AGBL4: variants seen among roughly 807,000 people sequenced by gnomAD.
The protein encoded by AGBL4 is AGBL carboxypeptidase 4, also known as cytosolic carboxypeptidase 6.
AGBL4 carries 58 observed loss-of-function variants against 66.4 expected under a neutral mutation model. That is an observed-to-expected ratio of 0.87 (90% CI 0.71 to 1.09). The LOEUF is 1.09. Ranked by LOEUF, AGBL4 falls within the 50% of genes least tolerant of loss-of-function variation. The pLI, the probability that AGBL4 is intolerant of heterozygous loss-of-function variation, is 0.00. For synonymous variants in AGBL4, 234 were observed against 222.9 expected, an observed-to-expected ratio of 1.05 and a Z score of -0.44; for missense variants, 579 against 631.0, an observed-to-expected ratio of 0.92 and a Z score of 0.88.
intron 1 of AGBL4, among the ~76,000 whole-genome samples, chr1:49,887,313 G>A (rs569756914): frequency 6.6e-6 from 1 of 151,462 alleles, no homozygotes; most frequent in East Asian, 1.9e-4. Flanking sequence ...CCTATGTTAG[G>A]AAGGGGAGAA....
intron 11 of AGBL4, chr1:48,585,037 T>C (rs1475520848): frequency 6.6e-6 from 1 of 152,258 alleles, no homozygotes; most frequent in East Asian, 1.9e-4. Flanking sequence ...CATGCCTTTT[T>C]ATTCAGTATT....
chr1:48,934,073 G>A (rs960292192), intron 5 of AGBL4, among the ~76,000 whole-genome samples: 7 of 152,194 alleles, frequency 4.6e-5, no homozygotes, highest in Non-Finnish European at 1.0e-4. Context: ...GCTACAGAAA[G>A]GTTTAATTCC....
intron 3 of AGBL4, among the ~76,000 whole-genome samples, chr1:49,478,795 C>G (rs569799677): frequency 6.6e-6 from 1 of 151,650 alleles, no homozygotes; most frequent in Non-Finnish European, 1.5e-5. Flanking sequence ...AAGACATAGA[C>G]GATGCAATAA....
chr1:48,964,281 T>C (rs1658241814), intron 5 of AGBL4, among the ~76,000 whole-genome samples: 1 of 152,240 alleles, frequency 6.6e-6, no homozygotes, highest in African/African-American at 2.4e-5. Flanking sequence ...CCCACTCGTG[T>C]GCCTGATCTC....
At chr1:49,722,133 G>A (rs2124689130) in intron 2 of AGBL4, among the ~76,000 whole-genome samples, 1 of 152,292 alleles carries the variant, frequency 6.6e-6, no homozygotes, top group East Asian at 1.9e-4. Context: ...GGAAGGGAAA[G>A]CAAGCCTGTA....
chr1:49,327,401 G>A (rs1645248010), intron 3 of AGBL4, among the ~76,000 whole-genome samples: 1 of 152,196 alleles, frequency 6.6e-6, no homozygotes, highest in Non-Finnish European at 1.5e-5. Flanking sequence ...GTTCAAGGCA[G>A]ACTATTATCT....
intron 2 of AGBL4, among the ~76,000 whole-genome samples, chr1:49,789,753 G>A (rs1373665990): frequency 6.6e-6 from 1 of 152,124 alleles, no homozygotes; most frequent in African/African-American, 2.4e-5. Flanking sequence ...TGGCCATACA[G>A]AACAAAGTAA....
intron 4 of AGBL4, among the ~76,000 whole-genome samples, chr1:49,078,019 C>A (rs931004681): frequency 1.3e-5 from 2 of 152,100 alleles, no homozygotes; most frequent in African/African-American, 4.8e-5. Context: ...AGAGGTTAAA[C>A]AACTTCCCTA....
intron 6 of AGBL4, among the ~76,000 whole-genome samples, chr1:48,750,254 C>T (rs1226516300): frequency 2.6e-5 from 4 of 152,162 alleles, no homozygotes; most frequent in Non-Finnish European, 5.9e-5. Context: ...CCCCCATGAA[C>T]CACCTGTAGG....
intron 3 of AGBL4, among the ~76,000 whole-genome samples, chr1:49,692,503 G>A (rs1290775483): frequency 6.6e-6 from 1 of 151,962 alleles, no homozygotes; most frequent in Non-Finnish European, 1.5e-5. Flanking sequence ...TGGATCACGA[G>A]GTCAGGAGAT....
At chr1:49,744,019 C>T (rs1372033220) in intron 2 of AGBL4, among the ~76,000 whole-genome samples, 7 of 151,594 alleles carry the variant, frequency 4.6e-5, no homozygotes, top group Non-Finnish European at 8.8e-5. Context: ...CAAATCTGCA[C>T]GTTGTGCACA....
intron 1 of AGBL4, among the ~76,000 whole-genome samples, chr1:49,880,033 TG>T (rs1647168680): frequency 6.6e-6 from 1 of 151,482 alleles, no homozygotes; most frequent in Non-Finnish European, 1.5e-5. Context: ...AGCACTTCTC[TG>T]TATTGGTTAT....
chr1:49,563,542 C>T (rs926195891), intron 3 of AGBL4, among the ~76,000 whole-genome samples: 3 of 152,064 alleles, frequency 2.0e-5, no homozygotes, highest in African/African-American at 7.2e-5. Context: ...TTGTCAAAGG[C>T]CTTTTCTGCA....
intron 3 of AGBL4, among the ~76,000 whole-genome samples, chr1:49,492,327 T>C (rs1457329893): frequency 6.6e-6 from 1 of 151,910 alleles, no homozygotes; most frequent in African/African-American, 2.4e-5. Context: ...AATGGGCTGA[T>C]TGATGTTCTG....
At chr1:49,743,157 A>G (rs1339894836) in intron 2 of AGBL4, among the ~76,000 whole-genome samples, 1 of 152,236 alleles carries the variant, frequency 6.6e-6, no homozygotes. Context: ...TACTCATCTG[A>G]CAAAGGGCTA....
chr1:48,875,884 C>T (rs1649170906), intron 5 of AGBL4, among the ~76,000 whole-genome samples: 1 of 152,140 alleles, frequency 6.6e-6, no homozygotes, highest in South Asian at 2.1e-4. Context: ...TACACTCAAA[C>T]CCATACTGAT....
intron 4 of AGBL4, among the ~76,000 whole-genome samples, chr1:49,077,786 A>C (rs995408260): frequency 2.0e-5 from 3 of 152,146 alleles, no homozygotes; most frequent in Non-Finnish European, 4.4e-5. Flanking sequence ...GGAAGCAATA[A>C]TTTTGCTTCC....
chr1:48,531,272 G>C (rs1312306427), downstream of AGBL4, among the ~76,000 whole-genome samples: 1 of 151,892 alleles, frequency 6.6e-6, no homozygotes, highest in African/African-American at 2.4e-5. Context: ...GTAATTCAGA[G>C]ACAGTTCATA....
intron 5 of AGBL4, among the ~76,000 whole-genome samples, chr1:49,014,512 G>T (rs1320243247): frequency 1.3e-5 from 2 of 152,084 alleles, no homozygotes; most frequent in Admixed American, 6.5e-5. Flanking sequence ...TCACATTTTC[G>T]TTCACTGCTG....
Sources: gnomAD v4.1 joint callset for allele counts (sites outside exome capture counted in the v4.1 genomes callset) on GRCh38, gnomAD v4.1.1 for gene constraint, MANE v1.5 for transcripts, NCBI Gene and HGNC (gene_info 2026-07-23, HGNC 2026-07-21) for gene names.